Variants in LRRTM4 observed in about 807,000 individuals in gnomAD.
LRRTM4 encodes leucine-rich repeat transmembrane neuronal protein 4.
A neutral mutation model predicts 47.6 loss-of-function variants in LRRTM4; 25 were observed. That is an observed-to-expected ratio of 0.53 (90% CI 0.38 to 0.73). The LOEUF is 0.73. Among genes scored for constraint, LRRTM4 ranks in the 30% least tolerant of loss-of-function variants. The pLI is 0.00. For synonymous variants in LRRTM4, 311 were observed against 269.5 expected (o/e 1.15, Z -1.51); for missense variants, 638 against 713.4 (o/e 0.89, Z 1.20).
intron 3 of LRRTM4, among the ~76,000 whole-genome samples, chr2:77,322,247 TA>T: frequency 6.6e-6 from 1 of 152,226 alleles, no homozygotes; most frequent in East Asian, 1.9e-4. Context: ...TGAGGAAGAA[TA>T]TGACTTTCTT....
At chr2:77,464,417 A>C (rs1676905179) in intron 3 of LRRTM4, among the ~76,000 whole-genome samples, 1 of 152,150 alleles carries the variant, frequency 6.6e-6, no homozygotes, top group African/African-American at 2.4e-5. Flanking sequence ...AATGTAAAAA[A>C]GGTAAAAGTA....
chr2:76,847,780 TAA>T (rs1333439918), intron 3 of LRRTM4, among the ~76,000 whole-genome samples: 1 of 152,122 alleles, frequency 6.6e-6, no homozygotes, highest in Non-Finnish European at 1.5e-5. Context: ...TAACCATTTG[TAA>T]AGTTTCAAAT....
At chr2:76,764,916 G>C (rs1194270541) in intron 3 of LRRTM4, among the ~76,000 whole-genome samples, 1 of 152,158 alleles carries the variant, frequency 6.6e-6, no homozygotes, top group Admixed American at 6.5e-5. Flanking sequence ...CAACAAGCCA[G>C]GCTGTTTCTG....
intron 3 of LRRTM4, among the ~76,000 whole-genome samples, chr2:77,141,298 A>G (rs556257477): frequency 3.3e-5 from 5 of 152,224 alleles, no homozygotes; most frequent in Admixed American, 6.5e-5. Flanking sequence ...AGCCATAAAA[A>G]GGATGAGTTC....
At chr2:76,971,959 C>A (rs1184094115) in intron 3 of LRRTM4, among the ~76,000 whole-genome samples, 1 of 151,998 alleles carries the variant, frequency 6.6e-6, no homozygotes, top group African/African-American at 2.4e-5. Context: ...TTTCATTGCA[C>A]AGATCATGCT....
intron 3 of LRRTM4, among the ~76,000 whole-genome samples, chr2:76,795,541 A>G (rs1017304634): frequency 1.3e-5 from 2 of 151,240 alleles, no homozygotes; most frequent in Non-Finnish European, 2.9e-5. Context: ...TACCATATGC[A>G]TATACATGTA....
intron 3 of LRRTM4, among the ~76,000 whole-genome samples, chr2:77,008,520 G>A (rs1647921889): frequency 6.6e-6 from 1 of 152,102 alleles, no homozygotes; most frequent in Non-Finnish European, 1.5e-5. Context: ...TAAGGTTGCT[G>A]GCATTGTCAC....
intron 3 of LRRTM4, among the ~76,000 whole-genome samples, chr2:77,412,821 G>A (rs1279889919): frequency 2.0e-5 from 3 of 152,088 alleles, no homozygotes; most frequent in Non-Finnish European, 4.4e-5. Context: ...ATATTGGATA[G>A]TAAATTTAAA....
At chr2:76,986,765 A>C (rs1452817021) in intron 3 of LRRTM4, among the ~76,000 whole-genome samples, 2 of 151,948 alleles carry the variant, frequency 1.3e-5, no homozygotes, top group African/African-American at 2.4e-5. Context: ...GGATTCAGCC[A>C]TGCCTAAAGC....
intron 3 of LRRTM4, among the ~76,000 whole-genome samples, chr2:77,183,041 A>C (rs893482577): frequency 6.6e-6 from 1 of 152,236 alleles, no homozygotes; most frequent in Non-Finnish European, 1.5e-5. Context: ...CTTCATGACT[A>C]AAACGCCAAA....
intron 3 of LRRTM4, among the ~76,000 whole-genome samples, chr2:76,965,334 G>A (rs1299633258): frequency 6.6e-6 from 1 of 151,204 alleles, no homozygotes; most frequent in Non-Finnish European, 1.5e-5. Context: ...TCAACAATGT[G>A]TAGAAAGAAT....
intron 3 of LRRTM4, among the ~76,000 whole-genome samples, chr2:76,899,692 T>C (rs77240609): frequency 0.011 from 1,610 of 152,244 alleles, 38 homozygotes; most frequent in African/African-American, 0.036. Flanking sequence ...ACTAGGAATA[T>C]TGATAGACTT....
At chr2:77,441,576 T>C (rs1175166369) in intron 3 of LRRTM4, among the ~76,000 whole-genome samples, 4 of 152,168 alleles carry the variant, frequency 2.6e-5, no homozygotes, top group Non-Finnish European at 5.9e-5. Context: ...ACCTGTAAGA[T>C]GGAGATAATA....
intron 3 of LRRTM4, among the ~76,000 whole-genome samples, chr2:76,883,224 A>T (rs1049958080): frequency 2.0e-5 from 3 of 152,206 alleles, no homozygotes; most frequent in African/African-American, 7.2e-5. Flanking sequence ...CTCTTCGGTG[A>T]CAAGCCAGCC....
At chr2:77,508,166 T>G (rs769733553) in intron 3 of LRRTM4, among the ~76,000 whole-genome samples, 5 of 152,016 alleles carry the variant, frequency 3.3e-5, no homozygotes, top group Non-Finnish European at 5.9e-5. Flanking sequence ...CTATGAAAAA[T>G]GTATACTGTT....
chr2:77,118,880 T>C (rs1673708769), intron 3 of LRRTM4, among the ~76,000 whole-genome samples: 1 of 151,862 alleles, frequency 6.6e-6, no homozygotes, highest in Admixed American at 6.6e-5. Context: ...TACATTTTTG[T>C]TCTAATCAGG....
At chr2:77,012,748 T>A (rs561087981) in intron 3 of LRRTM4, among the ~76,000 whole-genome samples, 1 of 152,260 alleles carries the variant, frequency 6.6e-6, no homozygotes, top group African/African-American at 2.4e-5. Flanking sequence ...GCCTCTGGTG[T>A]TCAACTAACA....
chr2:77,183,000 A>G (rs1043627584), intron 3 of LRRTM4, among the ~76,000 whole-genome samples: 1 of 152,236 alleles, frequency 6.6e-6, no homozygotes, highest in Non-Finnish European at 1.5e-5. Flanking sequence ...AACCTAGGCA[A>G]TACCATTCAG....
chr2:76,791,662 G>A (rs564657729), intron 3 of LRRTM4, among the ~76,000 whole-genome samples: 1 of 152,284 alleles, frequency 6.6e-6, no homozygotes, highest in South Asian at 2.1e-4. Flanking sequence ...ACCAGTTAAA[G>A]ACAATTTCAG....
Sources: gnomAD v4.1 joint callset for allele counts (sites outside exome capture counted in the v4.1 genomes callset) on GRCh38, gnomAD v4.1.1 for gene constraint, MANE v1.5 for transcripts, NCBI Gene and HGNC (gene_info 2026-07-23, HGNC 2026-07-21) for gene names.